The following LRRC4C variants were observed in gnomAD, a reference collection of about 807,000 sequenced individuals.
LRRC4C encodes leucine-rich repeat-containing protein 4C.
LRRC4C carries 5 observed loss-of-function variants against 33.6 expected under a neutral mutation model. That is an observed-to-expected ratio of 0.15 (90% CI 0.08 to 0.31). The LOEUF (loss-of-function observed/expected upper bound fraction) is 0.31. Among genes scored for constraint, LRRC4C ranks in the 10% least tolerant of loss-of-function variants. The probability of loss-of-function intolerance (pLI) is 1.00; values close to 1 mark genes in which losing one functional copy is unlikely to be tolerated. For synonymous variants in LRRC4C, 329 were observed against 302.0 expected, an observed-to-expected ratio of 1.09 and a Z score of -0.93; for missense variants, 560 against 796.7, an observed-to-expected ratio of 0.70 and a Z score of 3.58.
chr11:41,167,540 T>C (rs1025923621), intron 1 of LRRC4C, among the ~76,000 whole-genome samples: 4 of 152,190 alleles, frequency 2.6e-5, no homozygotes, highest in African/African-American at 9.7e-5. Flanking sequence ...CCAGTTTGCC[T>C]GAAACAAATC....
At chr11:41,144,928 T>C (rs1565424005) in intron 1 of LRRC4C, among the ~76,000 whole-genome samples, 1 of 152,200 alleles carries the variant, frequency 6.6e-6, no homozygotes, top group Non-Finnish European at 1.5e-5. Context: ...TAAGACTAGA[T>C]GCAGATTGCC....
intron 3 of LRRC4C, among the ~76,000 whole-genome samples, chr11:40,425,789 A>G (rs1359657732): frequency 1.3e-5 from 2 of 152,204 alleles, no homozygotes; most frequent in African/African-American, 4.8e-5. Flanking sequence ...TGTCAGAAAA[A>G]ATTAAAACAA....
At chr11:41,044,500 G>A (rs190180832) in intron 1 of LRRC4C, among the ~76,000 whole-genome samples, 1 of 152,180 alleles carries the variant, frequency 6.6e-6, no homozygotes, top group East Asian at 1.9e-4. Context: ...TGACCAGACT[G>A]GAGCTAGGTC....
intron 1 of LRRC4C, among the ~76,000 whole-genome samples, chr11:41,279,403 C>T (rs1165108645): frequency 6.8e-6 from 1 of 146,338 alleles, no homozygotes. Context: ...CACACACACA[C>T]ACACACACAC....
At chr11:40,744,531 T>G (rs1162072053) in intron 2 of LRRC4C, among the ~76,000 whole-genome samples, 1 of 152,154 alleles carries the variant, frequency 6.6e-6, no homozygotes, top group African/African-American at 2.4e-5. Context: ...AACAATTATC[T>G]TCTGCCTCAA....
intron 1 of LRRC4C, among the ~76,000 whole-genome samples, chr11:41,387,082 A>C (rs914757217): frequency 2.6e-5 from 4 of 151,772 alleles, no homozygotes; most frequent in African/African-American, 9.7e-5. Flanking sequence ...CAAGTGTATA[A>C]AAGATGTTAT....
intron 1 of LRRC4C, among the ~76,000 whole-genome samples, chr11:41,190,024 G>A (rs776507151): frequency 2.0e-5 from 3 of 152,188 alleles, no homozygotes; most frequent in Non-Finnish European, 2.9e-5. Flanking sequence ...TCAGATTGCA[G>A]ACAGCAGAAA....
intron 3 of LRRC4C, among the ~76,000 whole-genome samples, chr11:40,633,396 T>TTTC (rs1565581281): frequency 1.8e-4 from 16 of 86,748 alleles, no homozygotes; most frequent in African/African-American, 4.1e-4. Context: ...TCTTTCTTTC[T>TTTC]TTTTTTTTTT....
At chr11:40,661,059 TA>T (rs1462722846) in intron 2 of LRRC4C, among the ~76,000 whole-genome samples, 2 of 152,152 alleles carry the variant, frequency 1.3e-5, no homozygotes, top group African/African-American at 4.8e-5. Context: ...ACTTTTGACA[TA>T]AACATACAAT....
intron 1 of LRRC4C, among the ~76,000 whole-genome samples, chr11:41,245,437 C>A (rs1014526180): frequency 3.9e-5 from 6 of 152,194 alleles, no homozygotes; most frequent in Admixed American, 1.3e-4. Context: ...GCATGGCAGG[C>A]AGCTCCAGGC....
At chr11:41,111,334 G>A (rs1941818620) in intron 1 of LRRC4C, among the ~76,000 whole-genome samples, 1 of 151,992 alleles carries the variant, frequency 6.6e-6, no homozygotes, top group African/African-American at 2.4e-5. Context: ...TGAGAGCCCA[G>A]TGACATACAA....
At chr11:41,375,927 T>TG (rs1446580473) in intron 1 of LRRC4C, among the ~76,000 whole-genome samples, 1 of 151,948 alleles carries the variant, frequency 6.6e-6, no homozygotes, top group Non-Finnish European at 1.5e-5. Flanking sequence ...CACACTAACT[T>TG]GCAAGAGATG....
At chr11:40,417,430 T>C (rs755529145) in intron 3 of LRRC4C, among the ~76,000 whole-genome samples, 1 of 151,936 alleles carries the variant, frequency 6.6e-6, no homozygotes, top group Non-Finnish European at 1.5e-5. Context: ...CTCCTGGGTA[T>C]AAGTGATTCT....
chr11:40,353,140 T>C (rs944570253), intron 3 of LRRC4C, among the ~76,000 whole-genome samples: 1 of 152,180 alleles, frequency 6.6e-6, no homozygotes, highest in Non-Finnish European at 1.5e-5. Context: ...AAGTTCTCTG[T>C]TATTATTCCT....
chr11:41,375,430 A>G (rs1952903235), intron 1 of LRRC4C, among the ~76,000 whole-genome samples: 1 of 152,100 alleles, frequency 6.6e-6, no homozygotes, highest in African/African-American at 2.4e-5. Context: ...ATGAAATAGG[A>G]TACTTAGAAA....
At chr11:41,035,044 G>A (rs1179930659) in intron 1 of LRRC4C, among the ~76,000 whole-genome samples, 4 of 150,538 alleles carry the variant, frequency 2.7e-5, no homozygotes, top group Non-Finnish European at 5.9e-5. Flanking sequence ...TGTGCAGGAT[G>A]TGCAAGTTTG....
At chr11:41,258,045 A>T (rs1265918476) in intron 1 of LRRC4C, among the ~76,000 whole-genome samples, 1 of 151,996 alleles carries the variant, frequency 6.6e-6, no homozygotes, top group East Asian at 1.9e-4. Flanking sequence ...CTAAAACAAA[A>T]CTTGTAGATT....
intron 4 of LRRC4C, among the ~76,000 whole-genome samples, chr11:40,254,697 C>T (rs979274273): frequency 6.6e-6 from 1 of 152,152 alleles, no homozygotes; most frequent in South Asian, 2.1e-4. Context: ...TACCTTCTTC[C>T]AGACACTGAA....
chr11:40,909,335 A>C (rs1319998394), intron 2 of LRRC4C, among the ~76,000 whole-genome samples: 1 of 152,158 alleles, frequency 6.6e-6, no homozygotes, highest in East Asian at 1.9e-4. Flanking sequence ...ATAGATTTCA[A>C]TGGACAATAT....
Sources: allele counts gnomAD v4.1 joint callset (sites outside exome capture counted in the v4.1 genomes callset), GRCh38; gene constraint gnomAD v4.1.1; transcripts MANE v1.5; gene names NCBI Gene and HGNC (gene_info 2026-07-23, HGNC 2026-07-21).